The following MTAP variants were observed in gnomAD, a reference collection of about 807,000 sequenced individuals.
The protein encoded by MTAP is methylthioadenosine phosphorylase, also known as S-methyl-5'-thioadenosine phosphorylase.
Under a neutral mutation model 33.6 loss-of-function variants are expected in MTAP, and 33 were observed. That is an observed-to-expected ratio of 0.98 (90% CI 0.74 to 1.31). The LOEUF (loss-of-function observed/expected upper bound fraction) is 1.31. MTAP is among the 40% of genes most tolerant of loss of function. The pLI, the probability that MTAP is intolerant of heterozygous loss-of-function variation, is 0.00. For missense variants in MTAP, 367 were observed against 360.0 expected (o/e 1.02, Z -0.16); for synonymous variants, 148 against 125.7 (o/e 1.18, Z -1.19).
intron 4 of MTAP, among the ~76,000 whole-genome samples, chr9:21,832,117 T>C (rs1306664583): frequency 2.0e-5 from 3 of 152,244 alleles, no homozygotes; most frequent in South Asian, 2.1e-4. Context: ...ACTTATTTTC[T>C]TGGTAGAACT....
At chr9:21,828,769 T>C (rs1824888919) in intron 4 of MTAP, among the ~76,000 whole-genome samples, 1 of 152,254 alleles carries the variant, frequency 6.6e-6, no homozygotes, top group Non-Finnish European at 1.5e-5. Context: ...GTTTTGAATA[T>C]ATTAGGTTAG....
In MTAP at chr9:21,815,413, T is replaced by C. The variant is rs761932564; in HGVS notation, c.34-20T>C. 2 of 1,498,776 alleles carry C rather than the reference T, an allele frequency of 1.3e-6. No homozygotes were observed. The highest frequency in any genetic ancestry group is 1.8e-6 in the Non-Finnish European group (2 of 1,090,758). 92.8% of individuals were successfully genotyped at this position (1,498,776 alleles called of 1,614,324 possible). ...AAAATTACCAAATACAATAATCTTC[T>C]CTGTCTTTTTCTCTCTTAGATTGGA... On this transcript the variant is annotated intron_variant, in intron 1 of 7. Coordinates refer to ENST00000644715, the MANE Select transcript of MTAP (RefSeq NM_002451.4).
exon 8 of MTAP, chr9:21,936,807 G>C (rs983025925): frequency 1.9e-4 from 29 of 152,072 alleles, no homozygotes; most frequent in African/African-American, 7.0e-4. Flanking sequence ...AAAATAATAA[G>C]GGAGATAACT....
At chr9:21,845,739 G>C (rs4320630) in intron 5 of MTAP, among the ~76,000 whole-genome samples, 75,433 of 151,418 alleles carry the variant, frequency 0.5, 19,800 homozygotes, top group East Asian at 0.74. Flanking sequence ...CACCATCATT[G>C]TTCACAGAAA....
intron 1 of MTAP, among the ~76,000 whole-genome samples, chr9:21,905,831 A>G (rs1348395300): frequency 6.6e-6 from 1 of 152,250 alleles, no homozygotes; most frequent in African/African-American, 2.4e-5. Context: ...TTGGAGAGCT[A>G]TACAATGATG....
In MTAP at chr9:21,859,404, A is replaced by T. The variant is rs766010580; in HGVS notation, c.792A>T (p.Ser264=). The T allele has an allele frequency of 1.2e-6, 2 of 1,612,962 alleles. No individual in the cohort carries two copies. The highest frequency in any genetic ancestry group is 1.7e-6 in the Non-Finnish European group (2 of 1,179,548). ...CTCAGATAGGGTCCACAGAATGGTC[A>T]GAAACCCTCCATAACCTGAAGGTAA... ...TIPQIGSTEW[S]ETLHNLKNMA... is the part of the protein sequence containing the mutation. Residue 264 remains serine (S), a synonymous_variant, in exon 7 of 8, where the codon TCA becomes TCT. Coordinates refer to ENST00000644715, the MANE Select transcript of MTAP (RefSeq NM_002451.4).
intron 1 of MTAP, among the ~76,000 whole-genome samples, chr9:21,901,325 A>G (rs1170471101): frequency 1.3e-5 from 2 of 152,240 alleles, no homozygotes; most frequent in East Asian, 3.8e-4. Flanking sequence ...AGTTTAAAAA[A>G]TTGAAGAGTT....
chr9:21,823,909 G>A (rs1326097684), intron 4 of MTAP, among the ~76,000 whole-genome samples: 1 of 152,172 alleles, frequency 6.6e-6, no homozygotes, highest in African/African-American at 2.4e-5. Context: ...CGGCTACTGA[G>A]GCTTGTGCAT....
rs1317170052 is a variant in MTAP, at chr9:21,865,569, C to G, written c.*3555C>G. ...CCAGGATGGAAGAACCTGTGTTCTC[C>G]TCATAATAGTATAGAATAATTCAAG... On this transcript the variant is annotated 3_prime_UTR_variant, in exon 8 of 8. Transcript: ENST00000644715. 3 of 985,626 alleles carry G rather than the reference C, an allele frequency of 3.0e-6. No homozygotes were observed. Among genetic ancestry groups the G allele is most frequent in the Admixed American group, 6.2e-5 (1 of 16,250 alleles). 61.1% of individuals were successfully genotyped at this position (985,626 alleles called of 1,614,324 possible).
At chr9:21,829,720 G>T (rs532982206) in intron 4 of MTAP, among the ~76,000 whole-genome samples, 2 of 152,268 alleles carry the variant, frequency 1.3e-5, no homozygotes, top group Admixed American at 1.3e-4. Context: ...AGATGGCCAA[G>T]CTAAAGCACA....
intron 1 of MTAP, among the ~76,000 whole-genome samples, chr9:21,916,634 C>T (rs1224361159): frequency 6.6e-6 from 1 of 151,592 alleles, no homozygotes; most frequent in Non-Finnish European, 1.5e-5. Context: ...CATCTGGACA[C>T]AAACACAGGA....
At chr9:21,875,579 G>A (rs111740773) in intron 1 of MTAP, among the ~76,000 whole-genome samples, 7,145 of 152,054 alleles carry the variant, frequency 0.047, 413 homozygotes, top group African/African-American at 0.14. Context: ...GTTGGCCCCA[G>A]TGTCTTCTTT....
At chr9:21,934,450 A>T (rs907025945), downstream of MTAP, 3 of 152,194 alleles carry the variant, frequency 2.0e-5, no homozygotes, top group South Asian at 6.2e-4. The surrounding 1 kb of genome is among the most constrained non-coding windows in gnomAD (Gnocchi z 5.0). Context: ...TGTTGGATTA[A>T]CTAAAGCAGG....
chr9:21,914,823 A>T (rs1240079729), intron 1 of MTAP, among the ~76,000 whole-genome samples: 1 of 151,760 alleles, frequency 6.6e-6, no homozygotes, highest in Non-Finnish European at 1.5e-5. Context: ...CCTGGGAATC[A>T]TATAGATAAT....
rs1004191591 is a variant in MTAP at position 21,931,094 on chromosome 9, C to T, written c.234C>T (p.Phe78=). 3 of 763,882 alleles carry T rather than the reference C, an allele frequency of 3.9e-6. No homozygotes were observed. In the African/African-American group the frequency reaches 5.1e-5, roughly 13 times the overall value. 47.3% of individuals were successfully genotyped at this position (763,882 alleles called of 1,614,324 possible). ...CCTTCTACAGAGGACTCCTAGACTTCCCATCAGTGGGACATGGCAGAGGTG... is the reference window on the plus strand; with the variant it reads ...CCTTCTACAGAGGACTCCTAGACTTTCCATCAGTGGGACATGGCAGAGGTG... The change falls in exon 2 of 2, where the codon TTC becomes TTT. Residue 78 remains phenylalanine (F), a synonymous_variant. Transcript: ENST00000577563.
Position 21,864,706 on chromosome 9 carries a change from C to T in MTAP, c.*2692C>T, listed in dbSNP as rs1228056720. 11 of 985,266 alleles carry T rather than the reference C, an allele frequency of 1.1e-5. No individual in the cohort carries two copies. The highest frequency in any genetic ancestry group is 4.7e-5 in the South Asian group (1 of 21,284). 61.0% of individuals were successfully genotyped at this position (985,266 alleles called of 1,614,324 possible). A position where few individuals can be genotyped will look rare whatever the true frequency, so the allele number is the denominator to read the frequency against. On this transcript the variant is annotated 3_prime_UTR_variant, in exon 8 of 8. Transcript: ENST00000644715. Reference sequence around the variant, plus strand: ...TGTTTCAAGGAAGGAAACTCTGGTACGGTGGCACCCTCAGGAGTGGAGGAC... The same window carrying T: ...TGTTTCAAGGAAGGAAACTCTGGTATGGTGGCACCCTCAGGAGTGGAGGAC...
chr9:21,930,338 C>G (rs1016521377), intron 1 of MTAP: 1 of 207,742 alleles, frequency 4.8e-6, no homozygotes, highest in Non-Finnish European at 9.6e-6. Context: ...TCTTAAAACC[C>G]AAGGAGCCTT....
chr9:21,836,527 GGA>G (rs1220987937), intron 4 of MTAP, among the ~76,000 whole-genome samples: 12 of 152,180 alleles, frequency 7.9e-5, no homozygotes, highest in Non-Finnish European at 1.6e-4. Flanking sequence ...GTTATAAGTG[GGA>G]TGTTGCTAAT....
chr9:21,901,929 CAAAA>C, intron 1 of MTAP, among the ~76,000 whole-genome samples: 2 of 152,140 alleles, frequency 1.3e-5, no homozygotes, highest in Middle Eastern at 3.4e-3. Flanking sequence ...CTAGAAATAA[CAAAA>C]AGGAAAATAT....
Sources: gnomAD v4.1 joint callset for allele counts (sites outside exome capture counted in the v4.1 genomes callset) on GRCh38, gnomAD v4.1.1 for gene constraint, Gnocchi (gnomAD v3.1) non-coding constraint, MANE v1.5 for transcripts, NCBI Gene and HGNC (gene_info 2026-07-23, HGNC 2026-07-21) for gene names.